The following OTUD7B variants were observed in gnomAD, a reference collection of about 807,000 sequenced individuals.
OTUD7B encodes the protein OTU domain-containing protein 7B.
Under a neutral mutation model 82.2 loss-of-function variants are expected in OTUD7B, and 34 were observed. That is an observed-to-expected ratio of 0.41 (90% confidence interval 0.31 to 0.55). OTUD7B has a LOEUF of 0.55. OTUD7B is among the 20% of genes least tolerant of loss of function. The pLI is 0.20. For synonymous variants in OTUD7B, 398 were observed against 402.7 expected (o/e 0.99, Z 0.14); for missense variants, 944 against 1,062.1 (o/e 0.89, Z 1.55).
rs117368277 is a variant in OTUD7B at position 149,959,314 on chromosome 1, C to T, written c.845+370G>A. Among the ~76,000 whole-genome samples, 59 of 152,232 alleles carry T rather than the reference C, an allele frequency of 3.9e-4. No homozygotes were observed. In the East Asian group the frequency reaches 0.01, roughly 26 times the overall value. Reference sequence around the variant, plus strand: ...CTCCTGGGCTCACACGATCCTCCTGCCTCAGCCTTTCAAAGTGCTGAGATT... The same window carrying T: ...CTCCTGGGCTCACACGATCCTCCTGTCTCAGCCTTTCAAAGTGCTGAGATT... On this transcript the variant is annotated intron_variant, in intron 7 of 11. Transcript: ENST00000581312.
intron 2 of OTUD7B, 29 bp from the exon 3 acceptor site, chr1:149,971,280 T>G: frequency 6.5e-7 from 1 of 1,548,614 alleles, no homozygotes; most frequent in South Asian, 1.1e-5. Flanking sequence ...AAAAGCAAAC[T>G]GTGCAACCAT....
chr1:150,007,310 C>T (rs75508266), intron 1 of OTUD7B, among the ~76,000 whole-genome samples: 13 of 152,290 alleles, frequency 8.5e-5, no homozygotes, highest in African/African-American at 2.9e-4. Flanking sequence ...TGAACGAAGA[C>T]CCATCTAACT....
chr1:149,972,182 T>C (rs1401725387), intron 2 of OTUD7B, among the ~76,000 whole-genome samples: 3 of 152,224 alleles, frequency 2.0e-5, no homozygotes, highest in South Asian at 2.1e-4. Flanking sequence ...ATGCAGATGA[T>C]AGTAGCAGTG....
Position 150,004,075 on chromosome 1 carries a change from C to G in OTUD7B, c.-67+6373G>C, listed in dbSNP as rs1454802537. On this transcript the variant is annotated intron_variant, in intron 1 of 11. Coordinates refer to ENST00000581312, the MANE Select transcript of OTUD7B (RefSeq NM_020205.4). ...CACCCTTCTTCATCTCCCACATCCA[C>G]CCCTCATTAATTTCCATTTTTCCTT... Among the ~76,000 whole-genome samples the G allele has an allele frequency of 3.3e-5, 5 of 151,974 alleles. No individual in the cohort carries two copies. In the South Asian group the frequency reaches 8.3e-4, roughly 25 times the overall value.
chr1:149,977,564 T>C lies in OTUD7B; in HGVS notation c.-54A>G. On this transcript the variant is annotated 5_prime_UTR_variant, in exon 2 of 12. Coordinates refer to ENST00000581312, the MANE Select transcript of OTUD7B (RefSeq NM_020205.4). Reference sequence around the variant, plus strand: ...GATGTAGGTAGAACATAGATCAAAATTCAGGCCTCCACCTGAGGAATAAAT... The same window carrying C: ...GATGTAGGTAGAACATAGATCAAAACTCAGGCCTCCACCTGAGGAATAAAT... 1 of 1,295,204 alleles carries C rather than the reference T, an allele frequency of 7.7e-7. No individual in the cohort carries two copies. 80.2% of individuals were successfully genotyped at this position (1,295,204 alleles called of 1,614,324 possible). A position where few individuals can be genotyped will look rare whatever the true frequency, so the allele number is the denominator to read the frequency against.
intron 1 of OTUD7B, among the ~76,000 whole-genome samples, chr1:149,995,596 C>CAAA (rs369726288): frequency 2.0e-5 from 3 of 150,422 alleles, no homozygotes; most frequent in African/African-American, 4.9e-5. Flanking sequence ...CAAAACAAAA[C>CAAA]AAAAAAAAAC....
At chr1:149,999,847 C>A (rs1652160092) in intron 1 of OTUD7B, among the ~76,000 whole-genome samples, 1 of 152,168 alleles carries the variant, frequency 6.6e-6, no homozygotes, top group Admixed American at 6.5e-5. Flanking sequence ...TCTTCCTTTT[C>A]TTTTGATGTT....
chr1:149,956,305 G>T (rs1190297605), intron 7 of OTUD7B, among the ~76,000 whole-genome samples: 1 of 152,078 alleles, frequency 6.6e-6, no homozygotes, highest in Admixed American at 6.6e-5. Context: ...GCTTAGTTTG[G>T]CTGGATACGA....
rs1647458848 is a variant in OTUD7B, at chr1:149,943,996, G to A, written c.2393C>T (p.Thr798Ile). 2.5e-6 allele frequency: 4 copies of A among 1,614,226 alleles called. No individual in the cohort carries two copies. The highest frequency in any genetic ancestry group is 2.5e-6 in the Non-Finnish European group (3 of 1,180,036). ...GTTCGGTTGTTTGCATTTGGTCTGAGTTGGGGGAAGGCCCCGGAGACCTCC... is the reference window on the plus strand; with the variant it reads ...GTTCGGTTGTTTGCATTTGGTCTGAATTGGGGGAAGGCCCCGGAGACCTCC... Reference protein sequence around the residue: ...WAGGLRGLPPTQTKCKQPNCS... With the variant: ...WAGGLRGLPPIQTKCKQPNCS... The change falls in exon 12 of 12, where the codon ACT becomes ATT. Residue 798 changes from threonine (T) to isoleucine (I), a missense_variant. Physicochemically the swap from Thr to Ile is moderately conservative, Grantham distance 89. Coordinates refer to ENST00000581312, the MANE Select transcript of OTUD7B (RefSeq NM_020205.4).
chr1:150,028,513 G>A, the OTUD7B span, among the ~76,000 whole-genome samples: 1 of 151,982 alleles, frequency 6.6e-6, no homozygotes, highest in Non-Finnish European at 1.5e-5. Context: ...CATCAATATT[G>A]TTGTGCAATC....
At chr1:149,988,283 C>T (rs1651295602) in intron 1 of OTUD7B, among the ~76,000 whole-genome samples, 1 of 152,102 alleles carries the variant, frequency 6.6e-6, no homozygotes, top group African/African-American at 2.4e-5. Flanking sequence ...GGATACACAA[C>T]ATTAAGGTCT....
upstream of OTUD7B, among the ~76,000 whole-genome samples, chr1:150,014,076 G>GTA (rs1207448889): frequency 6.9e-5 from 2 of 28,806 alleles, no homozygotes; most frequent in Non-Finnish European, 1.3e-4. Flanking sequence ...GTGTGTGTGT[G>GTA]TGTGTGTGTA....
At chr1:150,026,647 T>C in the OTUD7B span, among the ~76,000 whole-genome samples, 1 of 152,158 alleles carries the variant, frequency 6.6e-6, no homozygotes, top group Non-Finnish European at 1.5e-5. Context: ...GGTTACAAGG[T>C]CATAAATATA....
the OTUD7B span, among the ~76,000 whole-genome samples, chr1:150,017,979 G>T: frequency 6.6e-6 from 1 of 152,146 alleles, no homozygotes; most frequent in Non-Finnish European, 1.5e-5. Context: ...TTACTGTCCT[G>T]ATCAGCACTG....
At position 149,941,528 on chromosome 1, in the gene OTUD7B, G is replaced by T. The variant is rs2101701389; in HGVS notation, c.*2329C>A. On this transcript the variant is annotated 3_prime_UTR_variant, in exon 12 of 12. Transcript: ENST00000581312. ...GAGGTGAGCAAAGCACTCACCTTGGGCACAAAATTTAAGGAGTGCCAAAAA... is the reference window on the plus strand; with the variant it reads ...GAGGTGAGCAAAGCACTCACCTTGGTCACAAAATTTAAGGAGTGCCAAAAA... The T allele has an allele frequency of 6.6e-6, 1 of 152,192 alleles. No individual in the cohort carries two copies. Among genetic ancestry groups the T allele is most frequent in the African/African-American group, 2.4e-5 (1 of 41,520 alleles). 9.4% of individuals were successfully genotyped at this position (152,192 alleles called of 1,614,324 possible).
chr1:150,014,046 GTGTGTATATATA>G (rs1340653702), upstream of OTUD7B, among the ~76,000 whole-genome samples: 6 of 110,638 alleles, frequency 5.4e-5, no homozygotes, highest in African/African-American at 2.1e-4. Flanking sequence ...GTATATATGT[GTGTGTATATATA>G]TGTGTGTGTG....
At chr1:149,952,161 T>C (rs1012769544) in intron 7 of OTUD7B, among the ~76,000 whole-genome samples, 1 of 151,856 alleles carries the variant, frequency 6.6e-6, no homozygotes, top group Non-Finnish European at 1.5e-5. Context: ...TAACTCGTCA[T>C]TTACATTAGA....
Position 149,943,678 on chromosome 1 carries a change from C to A in OTUD7B, c.*179G>T. ...GTACAGCCCCTGAGGTGCCATCCAG[C>A]CCCGACCTGCTCTTGCCAGCCTGGC... On this transcript the variant is annotated 3_prime_UTR_variant, in exon 12 of 12. Transcript: ENST00000581312. 1 of 654,852 alleles carries A rather than the reference C, an allele frequency of 1.5e-6. No individual in the cohort carries two copies. Among genetic ancestry groups the A allele is most frequent in the South Asian group, 1.9e-5 (1 of 52,748 alleles). The allele number at this position is 654,852 out of a possible 1,614,324, so 40.6% of individuals were successfully genotyped here. A position where few individuals can be genotyped will look rare whatever the true frequency, so the allele number is the denominator to read the frequency against.
the OTUD7B span, among the ~76,000 whole-genome samples, chr1:150,019,013 T>TATGGA: frequency 1.4e-4 from 21 of 152,318 alleles, no homozygotes; most frequent in Admixed American, 1.4e-3. Context: ...AGCCTATTCC[T>TATGGA]ATGGAATACC....
Sources: allele counts gnomAD v4.1 joint callset (sites outside exome capture counted in the v4.1 genomes callset), GRCh38; gene constraint gnomAD v4.1.1; transcripts MANE v1.5; gene names NCBI Gene and HGNC (gene_info 2026-07-23, HGNC 2026-07-21).